Variants in PRIM2 observed in about 807,000 individuals in gnomAD.
PRIM2 encodes DNA primase subunit 2, also known as DNA primase large subunit.
PRIM2 carries 39 observed loss-of-function variants against 67.3 expected under a neutral mutation model. The ratio of observed to expected loss-of-function variants is 0.58; its 90% CI spans 0.45 to 0.76. The LOEUF is 0.76. PRIM2 is among the 30% of genes least tolerant of loss of function. PRIM2 has a pLI of 0.00. For synonymous variants in PRIM2, 143 were observed against 198.7 expected (o/e 0.72, Z 2.36); for missense variants, 398 against 598.7 (o/e 0.66, Z 3.50).
upstream of PRIM2, among the ~76,000 whole-genome samples, chr6:57,315,090 G>A (rs1167110896): frequency 6.6e-6 from 1 of 152,184 alleles, no homozygotes; most frequent in Non-Finnish European, 1.5e-5. Flanking sequence ...TATATTTCCA[G>A]TTTTCTCTGA....
At chr6:57,373,280 C>T (rs1379658522) in intron 5 of PRIM2, among the ~76,000 whole-genome samples, 4 of 150,462 alleles carry the variant, frequency 2.7e-5, no homozygotes, top group Admixed American at 1.3e-4. Flanking sequence ...AGGGTCTGTT[C>T]GTGTCCTTTG....
At chr6:57,241,887 T>C in the PRIM2 span, among the ~76,000 whole-genome samples, 1 of 152,096 alleles carries the variant, frequency 6.6e-6, no homozygotes, top group South Asian at 2.1e-4. Flanking sequence ...TTAGCCAGGA[T>C]GGTCTCGATC....
chr6:57,536,392 CAT>C (rs1775004158), intron 9 of PRIM2, among the ~76,000 whole-genome samples: 1 of 152,222 alleles, frequency 6.6e-6, no homozygotes, highest in East Asian at 1.9e-4. Context: ...GTTTCTTTAA[CAT>C]ATTTATTTGA....
intron 5 of PRIM2, among the ~76,000 whole-genome samples, chr6:57,335,004 G>A (rs1018845942): frequency 2.0e-5 from 3 of 152,002 alleles, no homozygotes; most frequent in Non-Finnish European, 4.4e-5. Context: ...GTGGGTGCGC[G>A]CACCGTGCAC....
the PRIM2 span, among the ~76,000 whole-genome samples, chr6:57,250,632 A>G: frequency 6.6e-6 from 1 of 152,198 alleles, no homozygotes; most frequent in Non-Finnish European, 1.5e-5. Context: ...GTATGAAAAC[A>G]AGGAGTAAAA....
the PRIM2 span, among the ~76,000 whole-genome samples, chr6:57,260,767 T>C: frequency 6.6e-6 from 1 of 150,478 alleles, no homozygotes; most frequent in Non-Finnish European, 1.5e-5. Context: ...TCATGTTCCT[T>C]TGTCCAGTAA....
chr6:57,371,472 G>A (rs1581836850), intron 5 of PRIM2, among the ~76,000 whole-genome samples: 1 of 152,104 alleles, frequency 6.6e-6, no homozygotes. Flanking sequence ...TTATTGCTGG[G>A]TAAAAGGTGA....
intron 5 of PRIM2, among the ~76,000 whole-genome samples, chr6:57,343,767 A>C (rs1294168014): frequency 1.3e-5 from 2 of 152,188 alleles, no homozygotes; most frequent in Non-Finnish European, 2.9e-5. Context: ...AAAAAAAATT[A>C]TTCATGTCAT....
chr6:57,265,376 T>G, the PRIM2 span, among the ~76,000 whole-genome samples: 3 of 152,204 alleles, frequency 2.0e-5, no homozygotes, highest in African/African-American at 4.8e-5. Flanking sequence ...AAATCTTGAT[T>G]TCTTGAATAG....
At chr6:57,353,423 G>C (rs1209560160) in intron 5 of PRIM2, among the ~76,000 whole-genome samples, 4 of 152,158 alleles carry the variant, frequency 2.6e-5, no homozygotes, top group Non-Finnish European at 5.9e-5. Flanking sequence ...TTAAAATTCT[G>C]TCTCTCCTGA....
At chr6:57,574,626 T>A (rs1482204100) in intron 10 of PRIM2, among the ~76,000 whole-genome samples, 1 of 151,166 alleles carries the variant, frequency 6.6e-6, no homozygotes, top group African/African-American at 2.4e-5. Flanking sequence ...CCACCAACAA[T>A]ATTTAGTGTG....
chr6:57,592,041 C>A (rs1178308492), intron 10 of PRIM2, among the ~76,000 whole-genome samples: 1 of 152,094 alleles, frequency 6.6e-6, no homozygotes, highest in South Asian at 2.1e-4. Context: ...AGCTGGAGGT[C>A]ATTAACCTAA....
chr6:57,278,699 A>G, the PRIM2 span, among the ~76,000 whole-genome samples: 1 of 152,154 alleles, frequency 6.6e-6, no homozygotes, highest in Non-Finnish European at 1.5e-5. Flanking sequence ...CAAGGCATGA[A>G]GAGTACAGTA....
chr6:57,564,520 T>C (rs1775698591), intron 10 of PRIM2, among the ~76,000 whole-genome samples: 1 of 152,220 alleles, frequency 6.6e-6, no homozygotes. Context: ...AAGTTTTCTT[T>C]CTTTTTTTTA....
intron 10 of PRIM2, among the ~76,000 whole-genome samples, chr6:57,578,541 A>G (rs1776003728): frequency 6.6e-6 from 1 of 151,978 alleles, no homozygotes. Flanking sequence ...ATGGATATGT[A>G]TTTCATTCTA....
intron 2 of PRIM2, among the ~76,000 whole-genome samples, chr6:57,319,564 G>A (rs1035707990): frequency 6.6e-6 from 1 of 152,194 alleles, no homozygotes; most frequent in African/African-American, 2.4e-5. Context: ...ATTGAAAAGT[G>A]TCCCTTGGGT....
intron 10 of PRIM2, among the ~76,000 whole-genome samples, chr6:57,587,664 C>CAAAAAAAAAAAA (rs1157172882): frequency 9.2e-5 from 5 of 54,240 alleles, no homozygotes; most frequent in African/African-American, 2.3e-4. Flanking sequence ...GACTCTGTCT[C>CAAAAAAAAAAAA]AAAAAAAAAA....
At chr6:57,248,979 A>G in the PRIM2 span, among the ~76,000 whole-genome samples, 1 of 152,348 alleles carries the variant, frequency 6.6e-6, no homozygotes, top group East Asian at 1.9e-4. Flanking sequence ...GCTTATTAGC[A>G]CATTGTTCTC....
chr6:57,508,307 A>AT (rs1554347403), intron 8 of PRIM2, among the ~76,000 whole-genome samples: 43,626 of 151,646 alleles, frequency 0.29, 6,498 homozygotes, highest in East Asian at 0.45. Context: ...TTATGTGACT[A>AT]TTTTTTCCAT....
Sources: allele counts gnomAD v4.1 joint callset (sites outside exome capture counted in the v4.1 genomes callset), GRCh38; gene constraint gnomAD v4.1.1; transcripts MANE v1.5; gene names NCBI Gene and HGNC (gene_info 2026-07-23, HGNC 2026-07-21).